Variants in FHIT observed in about 807,000 individuals in gnomAD.
The protein encoded by FHIT is bis(5'-adenosyl)-triphosphatase.
A neutral mutation model predicts 17.9 loss-of-function variants in FHIT; 19 were observed. That is an observed-to-expected ratio of 1.06 (90% CI 0.74 to 1.56). FHIT has a LOEUF of 1.56. Among genes scored for constraint, FHIT ranks in the 40% most tolerant of loss-of-function variants. The pLI, the probability that FHIT is intolerant of heterozygous loss-of-function variation, is 0.00. For synonymous variants in FHIT, 81 were observed against 69.7 expected (o/e 1.16, Z -0.81); for missense variants, 248 against 189.2 (o/e 1.31, Z -1.82).
At chr3:60,734,743 C>T (rs2042101865) in intron 4 of FHIT, among the ~76,000 whole-genome samples, 2 of 152,210 alleles carry the variant, frequency 1.3e-5, no homozygotes, top group African/African-American at 4.8e-5. Context: ...CAAGAAGAAA[C>T]AATGCTTCCA....
chr3:60,757,811 T>C (rs17063926), intron 4 of FHIT, among the ~76,000 whole-genome samples: 2,025 of 152,286 alleles, frequency 0.013, 41 homozygotes, highest in African/African-American at 0.045. Flanking sequence ...TTGGTGGTTT[T>C]ATTTTGGCTG....
intron 2 of FHIT, among the ~76,000 whole-genome samples, chr3:61,099,935 G>C (rs1316400056): frequency 1.3e-5 from 2 of 152,012 alleles, no homozygotes; most frequent in Non-Finnish European, 2.9e-5. Flanking sequence ...TTTTACACCA[G>C]GAATGTATGA....
At chr3:59,933,793 T>C (rs1706089188) in intron 7 of FHIT, among the ~76,000 whole-genome samples, 4 of 152,196 alleles carry the variant, frequency 2.6e-5, no homozygotes, top group Admixed American at 2.6e-4. Context: ...GTATAGTTCA[T>C]GCCAGGAAAT....
rs568441718 is a variant in FHIT, at chr3:60,843,486, A to G, written c.-110-21475T>C. ...ATGATCCTAACCAAAAGAGCCTTGC[A>G]TGTCTTGGAAATACTTTGCCCTCTA... is the stretch of plus-strand genomic sequence containing the variant. On this transcript the variant is annotated intron_variant, in intron 3 of 9. Coordinates refer to ENST00000492590, the MANE Select transcript of FHIT (RefSeq NM_002012.4). 7.2e-5 allele frequency among the ~76,000 whole-genome samples: 11 copies of G among 152,284 alleles called. 1 individual carries two copies. The highest frequency in any genetic ancestry group is 2.6e-4 in the African/African-American group (11 of 41,568).
chr3:61,124,945 C>T (rs1353688522), intron 2 of FHIT, among the ~76,000 whole-genome samples: 3 of 152,166 alleles, frequency 2.0e-5, no homozygotes, highest in Non-Finnish European at 4.4e-5. Context: ...GCTGATGTTT[C>T]ATCAGTTACA....
At chr3:59,936,060 T>G (rs17374239) in intron 7 of FHIT, among the ~76,000 whole-genome samples, 13,207 of 152,142 alleles carry the variant, frequency 0.087, 725 homozygotes, top group Admixed American at 0.13. Flanking sequence ...TATGCTCAAG[T>G]GTCTGGAGAA....
chr3:60,178,917 G>A (rs913275577), intron 5 of FHIT, among the ~76,000 whole-genome samples: 1 of 152,050 alleles, frequency 6.6e-6, no homozygotes, highest in Non-Finnish European at 1.5e-5. Context: ...GCTTGGGGAC[G>A]ATTTTCCCTT....
At chr3:60,525,551 G>C (rs1289206075) in intron 5 of FHIT, among the ~76,000 whole-genome samples, 3 of 152,072 alleles carry the variant, frequency 2.0e-5, no homozygotes, top group Admixed American at 1.3e-4. Flanking sequence ...TACTTTTCCA[G>C]CCACCCTATG....
intron 3 of FHIT, among the ~76,000 whole-genome samples, chr3:60,931,050 T>C (rs1707924192): frequency 6.6e-6 from 1 of 152,200 alleles, no homozygotes; most frequent in African/African-American, 2.4e-5. Context: ...ATTGATGAGT[T>C]CATGTCCTTT....
intron 1 of FHIT, among the ~76,000 whole-genome samples, chr3:61,233,681 T>TA (rs2040160793): frequency 6.6e-6 from 1 of 152,220 alleles, no homozygotes; most frequent in African/African-American, 2.4e-5. Context: ...ATAATGAACA[T>TA]ATATTATTTC....
Position 60,130,789 on chromosome 3 carries a change from G to GTGTA in FHIT, c.104-116638_104-116637insTACA, listed in dbSNP as rs1559660689. Reference sequence around the variant, plus strand: ...GTTTGTGTGTGTGTGTGTGTGGTGTGTATATACACACATATATATGTGTGT... The same window carrying GTGTA: ...GTTTGTGTGTGTGTGTGTGTGGTGTGTGTATATATACACACATATATATGTGTGT... On this transcript the variant is annotated intron_variant, in intron 5 of 9. Coordinates refer to ENST00000492590, the MANE Select transcript of FHIT (RefSeq NM_002012.4). Among the ~76,000 whole-genome samples the GTGTA allele has an allele frequency of 1.1e-3, 145 of 136,096 alleles. 2 individuals carry two copies. Among genetic ancestry groups the GTGTA allele is most frequent in the African/African-American group, 3.7e-3 (141 of 38,026 alleles). 89.3% of individuals were successfully genotyped at this position (136,096 alleles called of 152,430 possible).
rs35159710 is a variant in FHIT at position 60,798,752 on chromosome 3, CTT to C, written c.-18+23165_-18+23166del. On this transcript the variant is annotated intron_variant, in intron 4 of 9. Transcript: ENST00000492590. Reference sequence around the variant, plus strand: ...ATTCTCACATGCACTACTGCAATAGCTTTTTTTTTTTTTTTTTTTTTTTGAGA... The same window carrying C: ...ATTCTCACATGCACTACTGCAATAGCTTTTTTTTTTTTTTTTTTTTTGAGA... Among the ~76,000 whole-genome samples, 897 of 105,372 alleles carry C rather than the reference CTT, an allele frequency of 8.5e-3. 2 individuals carry two copies. The highest frequency in any genetic ancestry group is 0.011 in the Non-Finnish European group (603 of 54,296). The allele number at this position is 105,372 out of a possible 152,430, so 69.1% of individuals were successfully genotyped here. A position where few individuals can be genotyped will look rare whatever the true frequency, so the allele number is the denominator to read the frequency against.
Position 59,927,626 on chromosome 3 carries a change from AGGC to A in FHIT, c.280-5215_280-5213del, listed in dbSNP as rs1278865100. Among the ~76,000 whole-genome samples the A allele has an allele frequency of 1.7e-3, 265 of 152,180 alleles. No homozygotes were observed. In the East Asian group the frequency reaches 0.018, roughly 11 times the overall value. ...ACTAAAAATACACAAAAAGTTAGCC[AGGC>A]GTGGTGGCACATGCCTGTAATCCCA... On this transcript the variant is annotated intron_variant, in intron 7 of 9. Transcript: ENST00000492590.
intron 5 of FHIT, among the ~76,000 whole-genome samples, chr3:60,358,486 T>C (rs978620687): frequency 3.3e-5 from 5 of 152,316 alleles, no homozygotes; most frequent in African/African-American, 1.2e-4. Context: ...CAGGTGTTCC[T>C]TATATTCTTA....
chr3:61,183,318 G>GTGAATGAATGAA lies in FHIT; in HGVS notation c.-164+17287_-164+17298dup, dbSNP rs147134285. ...GTGACTCTGAATGAATCAACCACAAGTGAATGAATGAATGAAAACAGATCA... is the reference window on the plus strand; with the variant it reads ...GTGACTCTGAATGAATCAACCACAAGTGAATGAATGAATGAATGAATGAATGAAAACAGATCA... On this transcript the variant is annotated intron_variant, in intron 2 of 9. Transcript: ENST00000492590. 1.6e-4 allele frequency among the ~76,000 whole-genome samples: 25 copies of GTGAATGAATGAA among 151,980 alleles called. 1 individual carries two copies. In the South Asian group the frequency reaches 3.3e-3, roughly 20 times the overall value.
intron 3 of FHIT, among the ~76,000 whole-genome samples, chr3:61,038,114 C>T (rs1037625411): frequency 7.2e-5 from 11 of 152,240 alleles, no homozygotes; most frequent in East Asian, 1.9e-4. Flanking sequence ...AAGAAACAAT[C>T]ACATGAAAAA....
At chr3:60,721,362 G>A (rs973643871) in intron 4 of FHIT, among the ~76,000 whole-genome samples, 3 of 152,074 alleles carry the variant, frequency 2.0e-5, no homozygotes, top group Admixed American at 2.0e-4. Flanking sequence ...TTCAAAATGT[G>A]ATATTGCCAA....
intron 5 of FHIT, among the ~76,000 whole-genome samples, chr3:60,447,712 T>C (rs1400853757): frequency 6.6e-6 from 1 of 152,130 alleles, no homozygotes; most frequent in African/African-American, 2.4e-5. Flanking sequence ...GGGAGCAAGA[T>C]GGAGAATGTT....
intron 5 of FHIT, among the ~76,000 whole-genome samples, chr3:60,194,894 G>A (rs35144644): frequency 0.011 from 1,629 of 152,154 alleles, 23 homozygotes; most frequent in African/African-American, 0.035. Flanking sequence ...GGCTGGGTGC[G>A]GTGGCTCACA....
Sources: allele counts gnomAD v4.1 joint callset (sites outside exome capture counted in the v4.1 genomes callset), GRCh38; gene constraint gnomAD v4.1.1; transcripts MANE v1.5; gene names NCBI Gene and HGNC (gene_info 2026-07-23, HGNC 2026-07-21).